Variants in B3GALT1 observed in about 807,000 individuals in gnomAD.
B3GALT1 encodes UDP-Gal:betaGlcNAc beta 1,3-galactosyltransferase, polypeptide 1.
B3GALT1 carries 10 observed loss-of-function variants against 23.2 expected under a neutral mutation model. The observed-to-expected ratio is 0.43, with a 90% CI of 0.27 to 0.73. B3GALT1 has a LOEUF of 0.73. Among genes scored for constraint, B3GALT1 ranks in the 30% least tolerant of loss-of-function variants. The pLI, the probability that B3GALT1 is intolerant of heterozygous loss-of-function variation, is 0.21. For synonymous variants in B3GALT1, 156 were observed against 141.5 expected (o/e 1.10, Z -0.73); for missense variants, 299 against 405.4 (o/e 0.74, Z 2.25).
chr2:167,867,210 G>A (rs142680532), intron 4 of B3GALT1, among the ~76,000 whole-genome samples: 71 of 152,290 alleles, frequency 4.7e-4, no homozygotes, highest in East Asian at 1.4e-3. Context: ...ACAGGCGTGA[G>A]CCACCGCGCC....
intron 2 of B3GALT1, among the ~76,000 whole-genome samples, chr2:167,527,689 GGT>G (rs1683245896): frequency 6.6e-6 from 1 of 151,978 alleles, no homozygotes; most frequent in Non-Finnish European, 1.5e-5. Context: ...CGTGTGTACT[GGT>G]ATACAATTTT....
At chr2:167,340,513 T>C (rs1022280331) in intron 1 of B3GALT1, among the ~76,000 whole-genome samples, 1 of 152,138 alleles carries the variant, frequency 6.6e-6, no homozygotes, top group Non-Finnish European at 1.5e-5. Flanking sequence ...TGCAGTCCTT[T>C]ATTGCTGAGG....
chr2:167,316,230 A>G (rs1696715691), intron 1 of B3GALT1, among the ~76,000 whole-genome samples: 1 of 152,070 alleles, frequency 6.6e-6, no homozygotes, highest in Non-Finnish European at 1.5e-5. Context: ...TTGCACGCCT[A>G]AGATATGAAA....
intron 1 of B3GALT1, among the ~76,000 whole-genome samples, chr2:167,434,709 G>GA (rs1559095188): frequency 1.3e-5 from 1 of 78,902 alleles, no homozygotes. Context: ...ATCTATGAAT[G>GA]ACCCCCCCCC....
intron 3 of B3GALT1, among the ~76,000 whole-genome samples, chr2:167,813,415 A>G (rs1361055894): frequency 1.3e-5 from 2 of 152,196 alleles, no homozygotes; most frequent in Non-Finnish European, 2.9e-5. Context: ...ACACTGAGTC[A>G]CTTTTTAATC....
At chr2:167,326,747 T>C (rs1014249147) in intron 1 of B3GALT1, among the ~76,000 whole-genome samples, 9 of 152,158 alleles carry the variant, frequency 5.9e-5, no homozygotes, top group Middle Eastern at 3.4e-3. Flanking sequence ...TGGAGTGCAA[T>C]GGTATGATCT....
At chr2:167,481,862 T>C (rs575301730) in intron 1 of B3GALT1, among the ~76,000 whole-genome samples, 1 of 152,340 alleles carries the variant, frequency 6.6e-6, no homozygotes, top group South Asian at 2.1e-4. Flanking sequence ...AAAGAGTTAT[T>C]TCAGGATGCA....
At chr2:167,477,745 A>G (rs1699507229) in intron 1 of B3GALT1, among the ~76,000 whole-genome samples, 1 of 152,182 alleles carries the variant, frequency 6.6e-6, no homozygotes, top group Admixed American at 6.5e-5. Flanking sequence ...AATTTTAAAG[A>G]ATGAGTAGTT....
At chr2:167,653,627 A>G (rs1252316427) in intron 3 of B3GALT1, among the ~76,000 whole-genome samples, 1 of 152,164 alleles carries the variant, frequency 6.6e-6, no homozygotes, top group Non-Finnish European at 1.5e-5. Flanking sequence ...TTCCTTCAGC[A>G]TGATATTTAC....
intron 2 of B3GALT1, among the ~76,000 whole-genome samples, chr2:167,645,059 C>T (rs917378813): frequency 4.6e-5 from 7 of 152,092 alleles, no homozygotes; most frequent in Non-Finnish European, 8.8e-5. Flanking sequence ...AGTACTAGGT[C>T]AAGAGCTTTC....
chr2:167,494,375 G>A, intron 2 of B3GALT1, among the ~76,000 whole-genome samples: 1 of 151,162 alleles, frequency 6.6e-6, no homozygotes, highest in Non-Finnish European at 1.5e-5. Flanking sequence ...TTATATTTTA[G>A]GGAAAAAAAT....
intron 1 of B3GALT1, among the ~76,000 whole-genome samples, chr2:167,294,580 C>G (rs186413587): frequency 1.9e-4 from 29 of 152,280 alleles, no homozygotes; most frequent in Admixed American, 3.3e-4. Flanking sequence ...CTATGTGGCT[C>G]CTTGTCTCCG....
intron 2 of B3GALT1, among the ~76,000 whole-genome samples, chr2:167,510,570 C>T (rs1247338162): frequency 6.6e-6 from 1 of 152,108 alleles, no homozygotes; most frequent in East Asian, 1.9e-4. Context: ...TGGGTTATCT[C>T]ATTCTTTCCC....
chr2:167,532,819 A>G (rs953175464), intron 2 of B3GALT1, among the ~76,000 whole-genome samples: 4 of 148,190 alleles, frequency 2.7e-5, no homozygotes, highest in Non-Finnish European at 5.9e-5. Context: ...ATAGATAATC[A>G]TGTCTGCAGA....
At chr2:167,745,413 A>T (rs1470212666) in intron 3 of B3GALT1, among the ~76,000 whole-genome samples, 4 of 152,104 alleles carry the variant, frequency 2.6e-5, no homozygotes, top group Admixed American at 6.6e-5. Context: ...CTTGCCTTTC[A>T]TACTATTCTT....
chr2:167,474,431 C>G (rs985181182), intron 1 of B3GALT1, among the ~76,000 whole-genome samples: 3 of 152,104 alleles, frequency 2.0e-5, no homozygotes, highest in Non-Finnish European at 2.9e-5. Flanking sequence ...ATATTAACAT[C>G]ACTTCATTCC....
chr2:167,459,124 C>CA (rs1260360822), intron 1 of B3GALT1, among the ~76,000 whole-genome samples: 1 of 152,110 alleles, frequency 6.6e-6, no homozygotes, highest in African/African-American at 2.4e-5. Flanking sequence ...TAATTAGTGT[C>CA]AATGAGAGAG....
intron 2 of B3GALT1, among the ~76,000 whole-genome samples, chr2:167,510,555 C>T (rs1479330668): frequency 6.6e-6 from 1 of 151,978 alleles, no homozygotes; most frequent in Admixed American, 6.6e-5. Flanking sequence ...ACAGAGGAAT[C>T]TAACTGGGTT....
intron 3 of B3GALT1, among the ~76,000 whole-genome samples, chr2:167,658,916 A>T (rs1171216913): frequency 6.6e-6 from 1 of 152,120 alleles, no homozygotes; most frequent in Admixed American, 6.6e-5. Context: ...ATACCAACAG[A>T]CCTAAGACTA....
Sources: gnomAD v4.1 joint callset for allele counts (sites outside exome capture counted in the v4.1 genomes callset) on GRCh38, gnomAD v4.1.1 for gene constraint, MANE v1.5 for transcripts, NCBI Gene and HGNC (gene_info 2026-07-23, HGNC 2026-07-21) for gene names.